HAUS3: variants seen among roughly 807,000 people sequenced by gnomAD.
The protein encoded by HAUS3 is HAUS augmin like complex subunit 3, also known as HAUS augmin-like complex subunit 3.
Under a neutral mutation model 55.2 loss-of-function variants are expected in HAUS3, and 36 were observed. The ratio of observed to expected loss-of-function variants is 0.65; its 90% CI spans 0.50 to 0.86. HAUS3 has a LOEUF of 0.86. Among genes scored for constraint, HAUS3 ranks in the 40% least tolerant of loss-of-function variants. The probability of loss-of-function intolerance (pLI) is 0.00; values close to 1 mark genes in which losing one functional copy is unlikely to be tolerated. For synonymous variants in HAUS3, 234 were observed against 238.6 expected (o/e 0.98, Z 0.18); for missense variants, 752 against 671.5 (o/e 1.12, Z -1.33).
intron 5 of HAUS3, among the ~76,000 whole-genome samples, chr4:2,235,717 G>A (rs1470597300): frequency 6.6e-6 from 1 of 152,060 alleles, no homozygotes; most frequent in Non-Finnish European, 1.5e-5. Context: ...AAAGTTCAAC[G>A]ACATATAAAA....
chr4:2,240,714 T>A lies in HAUS3; in HGVS notation c.233A>T (p.Asp78Val). ...AGTTTTACACGTTTTAAGAGCTTCA[T>A]CCAATGCCGCCCCTTCTAGAATAGG... ...GKPILEGAALDEALKTCKTSD... is the reference protein window; with the variant it reads ...GKPILEGAALVEALKTCKTSD... The change falls in exon 3 of 6, where the codon GAT becomes GTT. Residue 78 changes from aspartate (D) to valine (V), a missense_variant. Coordinates refer to ENST00000443786, the MANE Select transcript of HAUS3 (RefSeq NM_001303143.2). The A allele has an allele frequency of 6.2e-7, 1 of 1,614,084 alleles. No homozygotes were observed.
At position 2,228,977 on chromosome 4, in the gene HAUS3, G is replaced by C; in HGVS notation, c.*2950C>G. ...CAGAAGCTCAGTCTGCACTGAATGA[G>C]TGTAAAAGGGGCGGGAGCTGGGCTT... On this transcript the variant is annotated 3_prime_UTR_variant, in exon 6 of 6. Transcript: ENST00000443786. The C allele has an allele frequency of 2.1e-6, 2 of 935,280 alleles. No homozygotes were observed. The highest frequency in any genetic ancestry group is 1.8e-5 in the South Asian group (1 of 54,526). The allele number at this position is 935,280 out of a possible 1,614,324, so 57.9% of individuals were successfully genotyped here.
At chr4:2,236,185 A>AT (rs746368469) in intron 5 of HAUS3, 43 bp downstream of exon 5, 20 of 1,217,584 alleles carry the variant, frequency 1.6e-5, no homozygotes, top group Non-Finnish European at 2.1e-5. Context: ...TACAACAAGC[A>AT]TTTTTTTAAA....
In HAUS3 at chr4:2,238,903, T is replaced by G; in HGVS notation, c.1050A>C (p.Pro350=). 1.9e-6 allele frequency: 3 copies of G among 1,613,004 alleles called. No homozygotes were observed. In the South Asian group the frequency reaches 3.3e-5, roughly 18 times the overall value. ...VRENAQLLNM[P]VVKGDFDLQI... ...GCAGATCAAAATCTCCCTTTACCACTGGCATATTCAATAACTGGGCATTCT... is the reference window on the plus strand; with the variant it reads ...GCAGATCAAAATCTCCCTTTACCACGGGCATATTCAATAACTGGGCATTCT... The change falls in exon 4 of 6, where the codon CCA becomes CCC. Residue 350 remains proline (P), a synonymous_variant. Transcript: ENST00000443786.
Position 2,238,948 on chromosome 4 carries a change from ACTT to A in HAUS3, c.1002_1004del (p.Arg334del), listed in dbSNP as rs769617688. 1 of 1,601,058 alleles carries A rather than the reference ACTT, an allele frequency of 6.2e-7. No individual in the cohort carries two copies. Among genetic ancestry groups the A allele is most frequent in the Admixed American group, 1.8e-5 (1 of 57,130 alleles). On this transcript the variant is annotated inframe_deletion, in exon 4 of 6. Coordinates refer to ENST00000443786, the MANE Select transcript of HAUS3 (RefSeq NM_001303143.2). The stretch of plus-strand genomic sequence containing the variant: ...CATTCTCTCTTACCACAGCAGGTAA[ACTT>A]CTGTCTTTTATTTGAGTGACCTCTT...
chr4:2,233,094 T>G (rs534568400), intron 5 of HAUS3, among the ~76,000 whole-genome samples: 27 of 152,336 alleles, frequency 1.8e-4, no homozygotes, highest in Admixed American at 1.4e-3. Flanking sequence ...AGACCTGTCA[T>G]AAATGCCAAT....
rs531842896 is a variant in HAUS3, at chr4:2,236,019, T to G, written c.1578+209A>C. On this transcript the variant is annotated intron_variant, in intron 5 of 5. Coordinates refer to ENST00000443786, the MANE Select transcript of HAUS3 (RefSeq NM_001303143.2). ...ATATTCTTTTGTGTCTGAAAAATTATATACATTTTTAAATTTCTGTGCACA... is the reference window on the plus strand; with the variant it reads ...ATATTCTTTTGTGTCTGAAAAATTAGATACATTTTTAAATTTCTGTGCACA... 2.0e-5 allele frequency among the ~76,000 whole-genome samples: 3 copies of G among 152,332 alleles called. No homozygotes were observed. In the South Asian group the frequency reaches 6.2e-4, roughly 32 times the overall value.
In HAUS3 at chr4:2,231,693, T is replaced by C. The variant is rs78253267; in HGVS notation, c.*234A>G. 1.2e-3 allele frequency: 379 copies of C among 311,840 alleles called. 1 individual carries two copies. The highest frequency in any genetic ancestry group is 7.4e-3 in the African/African-American group (342 of 46,212). 19.3% of individuals were successfully genotyped at this position (311,840 alleles called of 1,614,324 possible). On this transcript the variant is annotated 3_prime_UTR_variant, in exon 6 of 6. Transcript: ENST00000443786. The stretch of plus-strand genomic sequence containing the variant: ...GCATTATGTAATAATGCTTTTTCCC[T>C]GTAAGTAAAAAATTACCAGGACTAA...
rs1452686055 is a variant in HAUS3, at chr4:2,228,992, G to A, written c.*2935C>T. ...CACTGAATGAGTGTAAAAGGGGCGG[G>A]AGCTGGGCTTCATCTGTCTACATGC... On this transcript the variant is annotated 3_prime_UTR_variant, in exon 6 of 6. Coordinates refer to ENST00000443786, the MANE Select transcript of HAUS3 (RefSeq NM_001303143.2). The A allele has an allele frequency of 3.6e-6, 4 of 1,115,448 alleles. No individual in the cohort carries two copies. The Admixed American group carries it at 1.0e-4, about 28-fold the overall frequency. 69.1% of individuals were successfully genotyped at this position (1,115,448 alleles called of 1,614,324 possible). A position where few individuals can be genotyped will look rare whatever the true frequency, so the allele number is the denominator to read the frequency against.
In HAUS3 at chr4:2,242,093, C is replaced by G; in HGVS notation, c.-461G>C. The G allele has an allele frequency of 3.0e-6, 3 of 985,912 alleles. No individual in the cohort carries two copies. The highest frequency in any genetic ancestry group is 3.6e-6 in the Non-Finnish European group (3 of 830,288). 61.1% of individuals were successfully genotyped at this position (985,912 alleles called of 1,614,324 possible). A position where few individuals can be genotyped will look rare whatever the true frequency, so the allele number is the denominator to read the frequency against. ...GCTTCTCGCAGGAGCCCGCCGCCACCGCCCTCCGTGCCCCGCGCGCCTCGC... is the reference window on the plus strand; with the variant it reads ...GCTTCTCGCAGGAGCCCGCCGCCACGGCCCTCCGTGCCCCGCGCGCCTCGC... On this transcript the variant is annotated 5_prime_UTR_variant, in exon 1 of 6. Coordinates refer to ENST00000443786, the MANE Select transcript of HAUS3 (RefSeq NM_001303143.2).
intron 2 of HAUS3, 82 bp downstream of exon 2, chr4:2,241,438 G>T: frequency 1.1e-6 from 1 of 930,552 alleles, no homozygotes; most frequent in Non-Finnish European, 1.3e-6. Flanking sequence ...AGGAGGCTAG[G>T]CAGCCTCTCT....
intron 4 of HAUS3, among the ~76,000 whole-genome samples, 193 bp downstream of exon 4, chr4:2,238,411 C>T (rs1299422549): frequency 6.9e-6 from 1 of 144,252 alleles, no homozygotes; most frequent in Non-Finnish European, 1.5e-5. Context: ...TCAGATCTAA[C>T]ATAAATGGAA....
rs201154099 is a variant in HAUS3, at chr4:2,240,047, T to A, written c.900A>T (p.Leu300=). Residue 300 remains leucine (L), a synonymous_variant, in exon 3 of 6, where the codon CTA becomes CTT. Coordinates refer to ENST00000443786, the MANE Select transcript of HAUS3 (RefSeq NM_001303143.2). The stretch of plus-strand genomic sequence containing the variant: ...CATTTCTTATGCTTACCTTGCTGGT[T>A]AGGCTGTGAAGACTCTCCTCTGCCC... ...IKWAEESLHS[L]TSKAVDKENL... is the part of the protein sequence containing the mutation. The A allele has an allele frequency of 6.2e-7, 1 of 1,612,420 alleles. No homozygotes were observed.
chr4:2,241,912 C>T, intron 1 of HAUS3, 122 bp from the exon 2 acceptor site: 1 of 985,504 alleles, frequency 1.0e-6, no homozygotes, highest in Non-Finnish European at 1.2e-6. Flanking sequence ...GGCCCTGATC[C>T]CCGGGCAGCT....
In HAUS3 at chr4:2,240,359, C is replaced by T. The variant is rs149074489; in HGVS notation, c.588G>A (p.Ser196=). Residue 196 remains serine (S), a synonymous_variant, in exon 3 of 6, where the codon TCG becomes TCA. Coordinates refer to ENST00000443786, the MANE Select transcript of HAUS3 (RefSeq NM_001303143.2). The stretch of plus-strand genomic sequence containing the variant: ...TTAGGTATTTTTCCAAGGAAAATTG[C>T]GATAAAAATACCAGTGGATTTGTCC... ...GQGTNPLVFL[S]QFSLEKYLSQ... 44 of 1,602,038 alleles carry T rather than the reference C, an allele frequency of 2.7e-5. No homozygotes were observed. In the Admixed American group the frequency reaches 3.3e-4, roughly 12 times the overall value.
At chr4:2,232,212 A>G in intron 5 of HAUS3, 52 bp from the exon 6 acceptor site, 2 of 779,198 alleles carry the variant, frequency 2.6e-6, no homozygotes, top group Non-Finnish European at 3.9e-6. Context: ...CCTAATACCA[A>G]TTATAAAATT....
intron 2 of HAUS3, 54 bp from the exon 3 acceptor site, chr4:2,241,147 A>G (rs912613203): frequency 6.1e-6 from 3 of 494,508 alleles, no homozygotes; most frequent in African/African-American, 2.0e-5. Flanking sequence ...AGTGTTTTTA[A>G]AAAGAAGACA....
intron 5 of HAUS3, among the ~76,000 whole-genome samples, chr4:2,233,342 G>A (rs1001915491): frequency 2.6e-5 from 4 of 151,984 alleles, no homozygotes; most frequent in African/African-American, 4.8e-5. Context: ...AAATTGATAC[G>A]GCATTTTATA....
chr4:2,240,709 C>A lies in HAUS3; in HGVS notation c.238G>T (p.Ala80Ser), dbSNP rs751158200. The A allele has an allele frequency of 2.5e-6, 4 of 1,614,032 alleles. No homozygotes were observed. In the South Asian group the frequency reaches 4.4e-5, roughly 18 times the overall value. ...PILEGAALDE[A>S]LKTCKTSDLK... The stretch of plus-strand genomic sequence containing the variant: ...TCAGAAGTTTTACACGTTTTAAGAG[C>A]TTCATCCAATGCCGCCCCTTCTAGA... The change falls in exon 3 of 6, where the codon GCT becomes TCT. Residue 80 changes from alanine to serine, a missense_variant. Transcript: ENST00000443786.
Sources: gnomAD v4.1 joint callset for allele counts (sites outside exome capture counted in the v4.1 genomes callset) on GRCh38, gnomAD v4.1.1 for gene constraint, MANE v1.5 for transcripts, NCBI Gene and HGNC (gene_info 2026-07-23, HGNC 2026-07-21) for gene names.